THOC1: variants seen among roughly 807,000 people sequenced by gnomAD.
The protein encoded by THOC1 is THO complex subunit 1, also known as THO complex 1.
THOC1 carries 29 observed loss-of-function variants against 97.3 expected under a neutral mutation model. The ratio of observed to expected loss-of-function variants is 0.30; its 90% CI spans 0.22 to 0.41. The LOEUF is 0.41. THOC1 is among the 10% of genes least tolerant of loss of function. The pLI, the probability that THOC1 is intolerant of heterozygous loss-of-function variation, is 1.00. For synonymous variants in THOC1, 255 were observed against 257.0 expected, an observed-to-expected ratio of 0.99 and a Z score of 0.07; for missense variants, 529 against 761.9, an observed-to-expected ratio of 0.69 and a Z score of 3.60.
intron 11 of THOC1, 122 bp from the exon 12 acceptor site, chr18:227,023 G>C (rs550546722): frequency 2.6e-6 from 2 of 766,608 alleles, no homozygotes; most frequent in South Asian, 1.8e-5. Flanking sequence ...GCCATTTGTT[G>C]AGAGTTCACT....
intron 16 of THOC1, 74 bp downstream of exon 16, chr18:224,010 G>T: frequency 9.3e-7 from 1 of 1,077,714 alleles, no homozygotes; most frequent in Non-Finnish European, 1.4e-6. Flanking sequence ...ATTTTGGATG[G>T]AGAGTTCTTA....
chr18:230,227 CT>C (rs1161986355), intron 11 of THOC1, among the ~76,000 whole-genome samples: 1 of 152,014 alleles, frequency 6.6e-6, no homozygotes, highest in Non-Finnish European at 1.5e-5. Context: ...AGCATCTAAA[CT>C]CTCAACAAGG....
intron 8 of THOC1, 32 bp from the exon 9 acceptor site, chr18:252,644 T>C: frequency 6.4e-7 from 1 of 1,550,772 alleles, no homozygotes; most frequent in South Asian, 1.1e-5. Context: ...TAGCCTGTCA[T>C]GAAGCAGTCA....
rs569785904 is a variant in THOC1 at position 251,919 on chromosome 18, T to G, written c.677+620A>C. On this transcript the variant is annotated intron_variant, in intron 9 of 20. Transcript: ENST00000261600. ...GCATGTATAGCTCACATTTATTCAA[T>G]GTTTAATAACAGAAGCATTTTGATC... is the stretch of plus-strand genomic sequence containing the variant. 4.6e-5 allele frequency among the ~76,000 whole-genome samples: 7 copies of G among 152,386 alleles called. No individual in the cohort carries two copies. The South Asian group carries it at 1.4e-3, about 32-fold the overall frequency.
chr18:227,118 A>G (rs1055142801), intron 11 of THOC1, among the ~76,000 whole-genome samples: 1 of 152,142 alleles, frequency 6.6e-6, no homozygotes, highest in Non-Finnish European at 1.5e-5. Flanking sequence ...GCCATGACAC[A>G]TTCTTGCTGG....
chr18:220,870 T>C (rs1911054862), intron 17 of THOC1, among the ~76,000 whole-genome samples: 2 of 152,212 alleles, frequency 1.3e-5, no homozygotes, highest in South Asian at 4.1e-4. Flanking sequence ...TTTCTAATCT[T>C]ATTTTACTTT....
chr18:216,709 G>T (rs1910903690), intron 18 of THOC1, 76 bp from the exon 19 acceptor site: 16 of 1,468,898 alleles, frequency 1.1e-5, no homozygotes, highest in Admixed American at 2.6e-5. Flanking sequence ...TCTGCCATGT[G>T]TAATTCTGTA....
rs758850187 is a variant in THOC1, at chr18:225,400, T to A, written c.1023A>T (p.Ser341=). 1 of 1,612,584 alleles carries A rather than the reference T, an allele frequency of 6.2e-7. No individual in the cohort carries two copies. The highest frequency in any genetic ancestry group is 2.2e-5 in the East Asian group (1 of 44,828). Reference sequence around the variant, plus strand: ...ATTGCTCATCAGTTAAAACATAGTTTGAACTAGGGAACAAAGCAATGAAAG... The same window carrying A: ...ATTGCTCATCAGTTAAAACATAGTTAGAACTAGGGAACAAAGCAATGAAAG... ...YLKGQVKFKS[S]NYVLTDEQSL... is the part of the protein sequence containing the mutation. Residue 341 remains serine (S), a synonymous_variant, in exon 13 of 21, where the codon TCA becomes TCT. Coordinates refer to ENST00000261600, the MANE Select transcript of THOC1 (RefSeq NM_005131.3).
chr18:241,699 A>G (rs1009329323), intron 11 of THOC1, among the ~76,000 whole-genome samples: 6 of 152,232 alleles, frequency 3.9e-5, no homozygotes, highest in African/African-American at 1.4e-4. Flanking sequence ...ATCCAAAAAT[A>G]TATTCCTTTA....
rs544535492 is a variant in THOC1 at position 249,542 on chromosome 18, G to A, written c.678-1585C>T. ...CCAGGCATTGTGGTGCGTGCTTGTA[G>A]TCCCAGCTACTCAGGAGGCTGAGGC... On this transcript the variant is annotated intron_variant, in intron 9 of 20. Transcript: ENST00000261600. Among the ~76,000 whole-genome samples the A allele has an allele frequency of 1.1e-4, 17 of 152,054 alleles. No homozygotes were observed. In the East Asian group the frequency reaches 1.5e-3, roughly 14 times the overall value.
intron 18 of THOC1, among the ~76,000 whole-genome samples, chr18:217,786 C>T (rs1162772623): frequency 6.6e-6 from 1 of 151,954 alleles, no homozygotes; most frequent in Non-Finnish European, 1.5e-5. Flanking sequence ...GCCACGGCAA[C>T]CTTGGGGAAA....
intron 9 of THOC1, among the ~76,000 whole-genome samples, chr18:250,716 C>T (rs370314617): frequency 7.2e-5 from 11 of 152,166 alleles, no homozygotes; most frequent in Non-Finnish European, 2.9e-5. Context: ...TAATTCCTCA[C>T]GTATTTTCTC....
chr18:246,938 G>C (rs905407322), intron 10 of THOC1, among the ~76,000 whole-genome samples: 3 of 137,110 alleles, frequency 2.2e-5, no homozygotes, highest in Admixed American at 7.3e-5. Context: ...AAAAAAAAAC[G>C]AAGAAATATG....
chr18:248,468 G>A (rs1330956124), intron 9 of THOC1, among the ~76,000 whole-genome samples: 1 of 152,182 alleles, frequency 6.6e-6, no homozygotes, highest in Non-Finnish European at 1.5e-5. Flanking sequence ...TCCCTTACCA[G>A]CCTTGGACTG....
intron 11 of THOC1, among the ~76,000 whole-genome samples, chr18:241,117 T>C (rs1046106280): frequency 2.0e-4 from 30 of 152,112 alleles, no homozygotes; most frequent in African/African-American, 7.2e-4. Flanking sequence ...TGTGCAACCC[T>C]GTTCCAGAGC....
At chr18:233,849 A>G (rs1409242605) in intron 11 of THOC1, among the ~76,000 whole-genome samples, 1 of 152,126 alleles carries the variant, frequency 6.6e-6, no homozygotes, top group Non-Finnish European at 1.5e-5. Context: ...TAACTTTTTG[A>G]GTTCCCATGA....
intron 11 of THOC1, among the ~76,000 whole-genome samples, chr18:238,696 T>C (rs1022017126): frequency 6.6e-6 from 1 of 152,222 alleles, no homozygotes; most frequent in Non-Finnish European, 1.5e-5. Context: ...TGGGGTCCAC[T>C]GTTGACCAGT....
In THOC1 at chr18:227,879, A is replaced by G. The variant is rs1299039902; in HGVS notation, c.919-978T>C. On this transcript the variant is annotated intron_variant, in intron 11 of 20. Transcript: ENST00000261600. ...TTTACGTGGTTGGTACCATTTACTA[A>G]TGCTACCTAACACGCACAAGCCTCC... Among the ~76,000 whole-genome samples the G allele has an allele frequency of 2.6e-5, 4 of 152,038 alleles. 1 individual carries two copies. Among genetic ancestry groups the G allele is most frequent in the African/African-American group, 4.8e-5 (2 of 41,390 alleles).
intron 9 of THOC1, 30 bp downstream of exon 9, chr18:252,509 A>T (rs745753467): frequency 1.0e-5 from 16 of 1,552,622 alleles, no homozygotes; most frequent in Non-Finnish European, 1.4e-5. Context: ...TATCTCTGTA[A>T]ATCAAAAAGC....
Sources: allele counts gnomAD v4.1 joint callset (sites outside exome capture counted in the v4.1 genomes callset), GRCh38; gene constraint gnomAD v4.1.1; transcripts MANE v1.5; gene names NCBI Gene and HGNC (gene_info 2026-07-23, HGNC 2026-07-21).